SHQ1: variants seen among roughly 807,000 people sequenced by gnomAD.
SHQ1 encodes the protein protein SHQ1 homolog.
In SHQ1, 49 loss-of-function variants were observed where a neutral mutation model predicts 53.8. That is an observed-to-expected ratio of 0.91 (90% confidence interval 0.72 to 1.16). The LOEUF is 1.16. Among genes scored for constraint, SHQ1 ranks in the 50% most tolerant of loss-of-function variants. The pLI is 0.00. For missense variants in SHQ1, 738 were observed against 683.1 expected, an observed-to-expected ratio of 1.08 and a Z score of -0.90; for synonymous variants, 243 against 251.0, an observed-to-expected ratio of 0.97 and a Z score of 0.30.
the SHQ1 span, among the ~76,000 whole-genome samples, chr3:72,742,863 T>A: frequency 6.6e-6 from 1 of 152,090 alleles, no homozygotes; most frequent in African/African-American, 2.4e-5. Context: ...CTGAGCTCAG[T>A]CCTCGGCTTC....
chr3:72,725,982 T>C, the SHQ1 span, among the ~76,000 whole-genome samples: 57 of 152,248 alleles, frequency 3.7e-4, no homozygotes, highest in African/African-American at 1.4e-3. Flanking sequence ...AATAACGTAA[T>C]ATGATAGCTG....
At chr3:72,811,776 G>A (rs1164410913) in intron 9 of SHQ1, among the ~76,000 whole-genome samples, 1 of 152,164 alleles carries the variant, frequency 6.6e-6, no homozygotes, top group African/African-American at 2.4e-5. Flanking sequence ...TTAGGCCAGT[G>A]AAGTCACCTG....
Position 72,750,516 on chromosome 3 carries a change from G to A in SHQ1, c.1502C>T (p.Ala501Val), listed in dbSNP as rs540952628. 7 of 1,614,052 alleles carry A rather than the reference G, an allele frequency of 4.3e-6. No homozygotes were observed. The highest frequency in any genetic ancestry group is 5.1e-6 in the Non-Finnish European group (6 of 1,179,940). ...LQGPFLEESS[A>V]FLIVDGGVRR... Reference sequence around the variant, plus strand: ...TACTCCACCATCAACAATAAGAAAGGCACTGCTTTCTTCAAGAAAGGGACC... The same window carrying A: ...TACTCCACCATCAACAATAAGAAAGACACTGCTTTCTTCAAGAAAGGGACC... Residue 501 changes from alanine to valine, a missense_variant, in exon 11 of 11, where the codon GCC becomes GTC. Ala to Val is a moderately conservative substitution (Grantham distance 64). Transcript: ENST00000325599.
At position 72,812,731 on chromosome 3, in the gene SHQ1, A is replaced by T. The variant is rs776774081; in HGVS notation, c.1000T>A (p.Tyr334Asn). ...TTCATCACCAGCTTGAAATGGCGAT[A>T]GAGTGGGTAACACAACACCCTTCTT... ...FGRRVLCYPL[Y>N]RHFKLVMKAY... Residue 334 changes from tyrosine (Y) to asparagine (N), a missense_variant, in exon 9 of 11, where the codon TAT becomes AAT. Transcript: ENST00000325599. 1.2e-6 allele frequency: 2 copies of T among 1,614,108 alleles called. No individual in the cohort carries two copies. The highest frequency in any genetic ancestry group is 2.7e-5 in the African/African-American group (2 of 75,060).
At chr3:72,834,221 A>G (rs1464265198) in intron 4 of SHQ1, among the ~76,000 whole-genome samples, 2 of 152,228 alleles carry the variant, frequency 1.3e-5, no homozygotes, top group African/African-American at 4.8e-5. Context: ...AAGGGTCCAG[A>G]GACCTTTTTA....
intron 9 of SHQ1, among the ~76,000 whole-genome samples, chr3:72,800,160 T>C (rs987539242): frequency 6.6e-6 from 1 of 152,126 alleles, no homozygotes; most frequent in African/African-American, 2.4e-5. Context: ...TTGCCTGCCT[T>C]CTCACCATGT....
At chr3:72,840,956 T>A (rs918952583) in intron 4 of SHQ1, 89 bp downstream of exon 4, 113 of 1,441,838 alleles carry the variant, frequency 7.8e-5, no homozygotes, top group Non-Finnish European at 9.9e-5. Context: ...ATATTATTTT[T>A]AAAAACTACC....
At chr3:72,778,094 G>C (rs1705993652) in intron 10 of SHQ1, among the ~76,000 whole-genome samples, 1 of 152,170 alleles carries the variant, frequency 6.6e-6, no homozygotes, top group Non-Finnish European at 1.5e-5. Flanking sequence ...GTGGTTACCA[G>C]AAGTTAATAC....
intron 10 of SHQ1, among the ~76,000 whole-genome samples, chr3:72,763,985 T>C (rs1191719877): frequency 2.0e-5 from 3 of 151,466 alleles, no homozygotes; most frequent in Non-Finnish European, 4.4e-5. Context: ...AAGCATTGCA[T>C]AGTATGTTCC....
intron 10 of SHQ1, among the ~76,000 whole-genome samples, chr3:72,769,513 C>T (rs1360484293): frequency 6.6e-6 from 1 of 152,136 alleles, no homozygotes; most frequent in African/African-American, 2.4e-5. Context: ...ATTATTTTTA[C>T]TTTGGGATTT....
chr3:72,733,371 T>C, the SHQ1 span, among the ~76,000 whole-genome samples: 4 of 151,558 alleles, frequency 2.6e-5, no homozygotes, highest in African/African-American at 4.9e-5. Context: ...AAAGCATGGA[T>C]TGAGTCTCTA....
intron 6 of SHQ1, among the ~76,000 whole-genome samples, chr3:72,819,012 A>G (rs1307126962): frequency 6.6e-6 from 1 of 152,238 alleles, no homozygotes; most frequent in East Asian, 1.9e-4. Context: ...AATAAGATGG[A>G]TATCTTTGGC....
intron 4 of SHQ1, among the ~76,000 whole-genome samples, chr3:72,834,511 T>C (rs546658196): frequency 2.6e-5 from 4 of 152,004 alleles, no homozygotes; most frequent in Admixed American, 6.6e-5. Context: ...GCTTGGGCAA[T>C]AGAGCAAGAC....
In SHQ1 at chr3:72,824,718, A is replaced by T. The variant is rs144426791; in HGVS notation, c.600-167T>A. Among the ~76,000 whole-genome samples, 106 of 152,320 alleles carry T rather than the reference A, an allele frequency of 7.0e-4. 2 individuals carry two copies. In the East Asian group the frequency reaches 0.019, roughly 27 times the overall value. On this transcript the variant is annotated intron_variant, in intron 5 of 10. Transcript: ENST00000325599. ...TACTTTCTTTGTAGTTACTAACCAC[A>T]AACATAAGTTATTTACCATAAAACA...
intron 8 of SHQ1, 63 bp downstream of exon 8, chr3:72,815,287 T>TAA: frequency 7.0e-7 from 1 of 1,429,218 alleles, no homozygotes; most frequent in African/African-American, 1.4e-5. Flanking sequence ...CCAAATGATG[T>TAA]AAAAACAACA....
chr3:72,775,916 A>G (rs1705950175), intron 10 of SHQ1, among the ~76,000 whole-genome samples: 1 of 152,250 alleles, frequency 6.6e-6, no homozygotes, highest in South Asian at 2.1e-4. Flanking sequence ...ACAAAAGCAA[A>G]TATCATATTT....
intron 9 of SHQ1, among the ~76,000 whole-genome samples, chr3:72,799,060 C>A (rs1706710393): frequency 6.6e-6 from 1 of 151,944 alleles, no homozygotes; most frequent in South Asian, 2.1e-4. Flanking sequence ...GTGGCTCACA[C>A]CTATAATCCC....
At chr3:72,752,164 T>G (rs933147108) in intron 10 of SHQ1, among the ~76,000 whole-genome samples, 5 of 152,210 alleles carry the variant, frequency 3.3e-5, no homozygotes, top group Admixed American at 2.6e-4. Context: ...AAGCTCTCCA[T>G]GGGCCAATCC....
chr3:72,818,021 G>A (rs529044333), intron 6 of SHQ1, among the ~76,000 whole-genome samples: 11 of 151,218 alleles, frequency 7.3e-5, no homozygotes, highest in African/African-American at 2.2e-4. Flanking sequence ...CTGAATATTC[G>A]TCAACAGCCT....
Sources: allele counts gnomAD v4.1 joint callset (sites outside exome capture counted in the v4.1 genomes callset), GRCh38; gene constraint gnomAD v4.1.1; transcripts MANE v1.5; gene names NCBI Gene and HGNC (gene_info 2026-07-23, HGNC 2026-07-21).